The following ZBTB7C variants were observed in gnomAD, a reference collection of about 807,000 sequenced individuals.
ZBTB7C encodes the protein zinc finger and BTB domain-containing protein 7C.
ZBTB7C carries 8 observed loss-of-function variants against 25.7 expected under a neutral mutation model. The ratio of observed to expected loss-of-function variants is 0.31; its 90% CI spans 0.18 to 0.56. The LOEUF (loss-of-function observed/expected upper bound fraction) is 0.56. Ranked by LOEUF, ZBTB7C falls within the 20% of genes least tolerant of loss-of-function variation. The probability of loss-of-function intolerance (pLI) is 0.91; values close to 1 mark genes in which losing one functional copy is unlikely to be tolerated. For missense variants in ZBTB7C, 824 were observed against 855.2 expected, an observed-to-expected ratio of 0.96 and a Z score of 0.46; for synonymous variants, 394 against 369.0, an observed-to-expected ratio of 1.07 and a Z score of -0.78.
chr18:48,123,149 C>G (rs2039686862), intron 3 of ZBTB7C, among the ~76,000 whole-genome samples: 1 of 152,170 alleles, frequency 6.6e-6, no homozygotes, highest in South Asian at 2.1e-4. Flanking sequence ...CCATGTGGAT[C>G]ACTGATTGCT....
intron 2 of ZBTB7C, among the ~76,000 whole-genome samples, chr18:48,280,924 G>A (rs1357460550): frequency 4.4e-5 from 6 of 135,398 alleles, no homozygotes; most frequent in South Asian, 2.3e-4. Flanking sequence ...TGTGATCTTC[G>A]CTCACTGCAA....
At chr18:48,118,083 G>A (rs1337021969) in intron 3 of ZBTB7C, among the ~76,000 whole-genome samples, 1 of 148,320 alleles carries the variant, frequency 6.7e-6, no homozygotes, top group Admixed American at 6.9e-5. Context: ...TTGACTCACT[G>A]CAATCTCCAC....
At chr18:48,304,774 G>A (rs994267251) in intron 2 of ZBTB7C, among the ~76,000 whole-genome samples, 3 of 148,062 alleles carry the variant, frequency 2.0e-5, no homozygotes, top group Admixed American at 1.4e-4. Flanking sequence ...TTGGGAGGTG[G>A]AGGTTGCAGT....
chr18:48,408,186 G>A (rs989100532), intron 1 of ZBTB7C, among the ~76,000 whole-genome samples: 1 of 152,306 alleles, frequency 6.6e-6, no homozygotes, highest in East Asian at 1.9e-4. Context: ...CGGAAGGTTG[G>A]GTACCAGCCT....
At chr18:48,200,507 C>T (rs2042415022) in intron 2 of ZBTB7C, among the ~76,000 whole-genome samples, 1 of 152,170 alleles carries the variant, frequency 6.6e-6, no homozygotes, top group Non-Finnish European at 1.5e-5. Context: ...ATACCACAAG[C>T]ATCAGCAGGT....
At chr18:48,047,196 C>T (rs2036508543) in intron 3 of ZBTB7C, among the ~76,000 whole-genome samples, 1 of 152,188 alleles carries the variant, frequency 6.6e-6, no homozygotes, top group Non-Finnish European at 1.5e-5. Flanking sequence ...CTAAGATTCC[C>T]ATGCCCTGGT....
chr18:48,042,027 G>A (rs1241946519), intron 3 of ZBTB7C, among the ~76,000 whole-genome samples: 1 of 152,172 alleles, frequency 6.6e-6, no homozygotes, highest in Admixed American at 6.5e-5. Context: ...AGCAGGGCAC[G>A]ACAGGGGACA....
chr18:48,114,667 C>T (rs1298175394), intron 3 of ZBTB7C, among the ~76,000 whole-genome samples: 1 of 152,040 alleles, frequency 6.6e-6, no homozygotes, highest in Non-Finnish European at 1.5e-5. Flanking sequence ...GCAGACATCT[C>T]CAATATTACT....
At chr18:48,106,453 GA>G (rs34192463) in intron 3 of ZBTB7C, among the ~76,000 whole-genome samples, 19,605 of 151,938 alleles carry the variant, frequency 0.13, 2,630 homozygotes, top group African/African-American at 0.32. Context: ...CTATTATAAT[GA>G]ATGAAAGTTG....
At chr18:48,313,359 G>A (rs766443859) in intron 2 of ZBTB7C, among the ~76,000 whole-genome samples, 4 of 152,212 alleles carry the variant, frequency 2.6e-5, no homozygotes, top group African/African-American at 4.8e-5. Context: ...TAGGGCAGTG[G>A]TTCTCAAGCC....
intron 3 of ZBTB7C, among the ~76,000 whole-genome samples, chr18:48,142,598 C>T (rs564162738): frequency 6.6e-6 from 1 of 152,176 alleles, no homozygotes; most frequent in African/African-American, 2.4e-5. Flanking sequence ...CATCAGGCAC[C>T]CACTGTGGGA....
chr18:48,101,524 C>T (rs191044718), intron 3 of ZBTB7C, among the ~76,000 whole-genome samples: 51 of 152,290 alleles, frequency 3.3e-4, no homozygotes, highest in Middle Eastern at 3.4e-3. Context: ...GGACTGACCA[C>T]GTTTCCAGTG....
intron 1 of ZBTB7C, among the ~76,000 whole-genome samples, chr18:48,397,677 C>G (rs990630341): frequency 2.0e-5 from 3 of 152,248 alleles, no homozygotes; most frequent in Non-Finnish European, 4.4e-5. Context: ...CATCACAGGT[C>G]TCACAACTTG....
chr18:48,167,617 T>C (rs1308729237), intron 3 of ZBTB7C, among the ~76,000 whole-genome samples: 2 of 132,588 alleles, frequency 1.5e-5, no homozygotes, highest in African/African-American at 6.4e-5. Context: ...CACACGCGCA[T>C]GCGCCAGTAG....
At chr18:48,082,676 G>A (rs1400738507) in intron 3 of ZBTB7C, among the ~76,000 whole-genome samples, 1 of 151,858 alleles carries the variant, frequency 6.6e-6, no homozygotes, top group African/African-American at 2.4e-5. Flanking sequence ...CAGACTCTGA[G>A]TACCTCCCGT....
chr18:48,133,081 G>A (rs2040036334), intron 3 of ZBTB7C, among the ~76,000 whole-genome samples: 1 of 152,230 alleles, frequency 6.6e-6, no homozygotes, highest in Non-Finnish European at 1.5e-5. Flanking sequence ...CTCAGTTATT[G>A]ACTGATGAAT....
chr18:48,234,018 T>C (rs536556636), intron 2 of ZBTB7C, among the ~76,000 whole-genome samples: 33 of 152,196 alleles, frequency 2.2e-4, no homozygotes, highest in Non-Finnish European at 3.5e-4. Context: ...TCCTTTCCCA[T>C]GTATCAACCT....
At chr18:48,294,256 A>C (rs2045325410) in intron 2 of ZBTB7C, among the ~76,000 whole-genome samples, 1 of 152,220 alleles carries the variant, frequency 6.6e-6, no homozygotes, top group South Asian at 2.1e-4. Flanking sequence ...GATGGGAGGG[A>C]GTTGTGGGAA....
chr18:48,150,320 G>T (rs1307365202), intron 3 of ZBTB7C: 1 of 151,718 alleles, frequency 6.6e-6, no homozygotes, highest in East Asian at 2.0e-4. Flanking sequence ...AGTGGCTCAT[G>T]CCTGTAATCC....
Sources: gnomAD v4.1 joint callset for allele counts (sites outside exome capture counted in the v4.1 genomes callset) on GRCh38, gnomAD v4.1.1 for gene constraint, MANE v1.5 for transcripts, NCBI Gene and HGNC (gene_info 2026-07-23, HGNC 2026-07-21) for gene names.